The following PKHD1 variants were observed in gnomAD, a reference collection of about 807,000 sequenced individuals.
The protein encoded by PKHD1 is PKHD1 ciliary IPT domain containing fibrocystin/polyductin.
In PKHD1, 291 loss-of-function variants were observed where a neutral mutation model predicts 412.0. That is an observed-to-expected ratio of 0.71 (90% CI 0.64 to 0.78). PKHD1 has a LOEUF of 0.78. Among genes scored for constraint, PKHD1 ranks in the 30% least tolerant of loss-of-function variants. The probability of loss-of-function intolerance (pLI) is 0.00; values close to 1 mark genes in which losing one functional copy is unlikely to be tolerated. For missense variants in PKHD1, 4,825 were observed against 4,950.7 expected (o/e 0.97, Z 0.76); for synonymous variants, 1,777 against 1,821.5 (o/e 0.98, Z 0.62).
intron 9 of PKHD1, 108 bp from the exon 10 acceptor site, chr6:52,070,553 A>C: frequency 1.3e-6 from 1 of 798,972 alleles, no homozygotes; most frequent in Non-Finnish European, 2.1e-6. Flanking sequence ...ATTACCACCC[A>C]AACCTGTAAT....
At position 51,744,406 on chromosome 6, in the gene PKHD1, T is replaced by C. The variant is rs764351241; in HGVS notation, c.10135A>G (p.Thr3379Ala). 1.2e-6 allele frequency: 2 copies of C among 1,613,954 alleles called. No homozygotes were observed. The highest frequency in any genetic ancestry group is 1.7e-6 in the Non-Finnish European group (2 of 1,179,848). The change falls in exon 60 of 67, where the codon ACT becomes GCT. Residue 3379 changes from threonine (T) to alanine (A), a missense_variant. By Grantham distance (58) the Thr-to-Ala change is moderately conservative. Coordinates refer to ENST00000371117, the MANE Select transcript of PKHD1 (RefSeq NM_138694.4). The stretch of plus-strand genomic sequence containing the variant: ...TTACCTGCGTTGAAGAAGGATGCAG[T>C]CCATTCTGCCTCTGTTTTAGGAAAT... ...SVFPKTEAEW[T>A]ASFFNAGTFR...
intron 54 of PKHD1, 82 bp downstream of exon 54, chr6:51,775,726 A>G (rs1378867906): frequency 1.3e-6 from 1 of 753,594 alleles, no homozygotes; most frequent in African/African-American, 1.7e-5. Flanking sequence ...ATGTTCTATG[A>G]ATAGTATTTC....
At chr6:52,064,059 C>A (rs1809112071) in intron 13 of PKHD1, among the ~76,000 whole-genome samples, 1 of 152,212 alleles carries the variant, frequency 6.6e-6, no homozygotes, top group African/African-American at 2.4e-5. Flanking sequence ...AACTGCAGAT[C>A]TGGGAGCTGG....
intron 48 of PKHD1, among the ~76,000 whole-genome samples, chr6:51,864,311 G>T (rs75422050): frequency 6.6e-6 from 1 of 152,156 alleles, no homozygotes; most frequent in Non-Finnish European, 1.5e-5. Context: ...AAAGTTTCAC[G>T]CAAGGGAATG....
chr6:51,666,668 A>G (rs1000351018), intron 60 of PKHD1, among the ~76,000 whole-genome samples: 3 of 148,184 alleles, frequency 2.0e-5, no homozygotes, highest in Non-Finnish European at 3.0e-5. Context: ...AGCATTAGGT[A>G]TATCTCCCAA....
At chr6:51,817,134 G>C (rs1158302716) in intron 52 of PKHD1, among the ~76,000 whole-genome samples, 2 of 121,110 alleles carry the variant, frequency 1.7e-5, no homozygotes, top group Non-Finnish European at 3.5e-5. Context: ...GGATCTTAGG[G>C]ACAGACTTGT....
At chr6:51,790,853 G>A (rs1440487851) in intron 53 of PKHD1, among the ~76,000 whole-genome samples, 5 of 152,152 alleles carry the variant, frequency 3.3e-5, no homozygotes, top group African/African-American at 9.7e-5. Context: ...ATTTTATTGT[G>A]AGTTAGTTGA....
chr6:51,900,898 C>G (rs1470412998), intron 43 of PKHD1, among the ~76,000 whole-genome samples: 2 of 152,058 alleles, frequency 1.3e-5, no homozygotes, highest in East Asian at 1.9e-4. Context: ...ATTTATGGAG[C>G]CAAAAAACAC....
intron 51 of PKHD1, among the ~76,000 whole-genome samples, chr6:51,831,556 T>C (rs1489329028): frequency 6.6e-6 from 1 of 152,192 alleles, no homozygotes; most frequent in East Asian, 1.9e-4. Context: ...TATTCTCTGT[T>C]AAATTGTAAA....
intron 52 of PKHD1, among the ~76,000 whole-genome samples, chr6:51,824,174 A>C (rs773144420): frequency 6.4e-4 from 98 of 152,184 alleles, no homozygotes; most frequent in Middle Eastern, 3.4e-3. Context: ...CAAATCAACA[A>C]TTCTATGTGT....
intron 48 of PKHD1, among the ~76,000 whole-genome samples, chr6:51,867,229 C>G (rs1775224001): frequency 6.6e-6 from 1 of 152,136 alleles, no homozygotes; most frequent in Admixed American, 6.6e-5. Context: ...CCTAGACATT[C>G]AGCAATCATT....
At chr6:51,900,282 T>A (rs1004465966) in intron 43 of PKHD1, among the ~76,000 whole-genome samples, 1 of 152,176 alleles carries the variant, frequency 6.6e-6, no homozygotes, top group Non-Finnish European at 1.5e-5. Flanking sequence ...ACTACAAGGC[T>A]ACAGTAACCA....
rs747452732 is a variant in PKHD1 at position 51,947,777 on chromosome 6, A to C, written c.5908+12093T>G. ...AAACACCATCGCACGCTAATTGTCAATGACTCTCAAATTTATATCTCCAAG... is the reference window on the plus strand; with the variant it reads ...AAACACCATCGCACGCTAATTGTCACTGACTCTCAAATTTATATCTCCAAG... On this transcript the variant is annotated intron_variant, in intron 36 of 66. Coordinates refer to ENST00000371117, the MANE Select transcript of PKHD1 (RefSeq NM_138694.4). Among the ~76,000 whole-genome samples, 67 of 152,182 alleles carry C rather than the reference A, an allele frequency of 4.4e-4. No individual in the cohort carries two copies. The Middle Eastern group carries it at 0.01, about 23-fold the overall frequency.
chr6:51,772,164 T>A (rs1244370864), intron 55 of PKHD1, among the ~76,000 whole-genome samples: 1 of 152,110 alleles, frequency 6.6e-6, no homozygotes, highest in Non-Finnish European at 1.5e-5. Context: ...TAGTACTTTA[T>A]CTTTTGTTAT....
chr6:51,821,740 A>T (rs1766459512), intron 52 of PKHD1, among the ~76,000 whole-genome samples: 1 of 152,176 alleles, frequency 6.6e-6, no homozygotes, highest in Non-Finnish European at 1.5e-5. Flanking sequence ...TTTGAGACGG[A>T]GTCTCGCTCT....
intron 60 of PKHD1, among the ~76,000 whole-genome samples, chr6:51,662,013 T>G (rs549241560): frequency 5.1e-4 from 78 of 152,074 alleles, no homozygotes; most frequent in African/African-American, 1.9e-3. Context: ...AGGGCACATG[T>G]TTTACTTTTT....
At chr6:52,071,560 C>T (rs1810615422) in intron 8 of PKHD1, among the ~76,000 whole-genome samples, 1 of 151,984 alleles carries the variant, frequency 6.6e-6, no homozygotes, top group African/African-American at 2.4e-5. Flanking sequence ...AAGTAAAAAT[C>T]CAGCAAAACA....
intron 60 of PKHD1, among the ~76,000 whole-genome samples, chr6:51,743,457 A>G (rs576381439): frequency 2.0e-5 from 3 of 152,306 alleles, no homozygotes; most frequent in African/African-American, 7.2e-5. Context: ...TTTGAGGCAT[A>G]TTGAGTCTGA....
chr6:51,762,645 T>TCA (rs200717442), intron 55 of PKHD1, among the ~76,000 whole-genome samples: 1 of 132,180 alleles, frequency 7.6e-6, no homozygotes, highest in African/African-American at 3.7e-5. Flanking sequence ...CTACCATTAT[T>TCA]CACATATATA....
Sources: allele counts gnomAD v4.1 joint callset (sites outside exome capture counted in the v4.1 genomes callset), GRCh38; gene constraint gnomAD v4.1.1; transcripts MANE v1.5; gene names NCBI Gene and HGNC (gene_info 2026-07-23, HGNC 2026-07-21).